TCF7: variants seen among roughly 807,000 people sequenced by gnomAD.
The protein encoded by TCF7 is T-cell-factor-7.
TCF7 carries 19 observed loss-of-function variants against 46.8 expected under a neutral mutation model. The ratio of observed to expected loss-of-function variants is 0.41; its 90% CI spans 0.28 to 0.60. The LOEUF is 0.60. Ranked by LOEUF, TCF7 falls within the 20% of genes least tolerant of loss-of-function variation. TCF7 has a pLI of 0.35. For missense variants in TCF7, 547 were observed against 504.6 expected (o/e 1.08, Z -0.81); for synonymous variants, 245 against 213.4 (o/e 1.15, Z -1.29).
At chr5:134,123,861 G>A in intron 3 of TCF7, 1 of 455,806 alleles carries the variant, frequency 2.2e-6, no homozygotes, top group South Asian at 1.5e-5. Context: ...GAGGCATGGG[G>A]ATCATGGGAG....
Position 134,114,703 on chromosome 5 carries a change from T to G in TCF7, c.-204T>G. The G allele has an allele frequency of 3.8e-6, 1 of 264,106 alleles. No individual in the cohort carries two copies. Among genetic ancestry groups the G allele is most frequent in the Non-Finnish European group, 5.7e-6 (1 of 175,636 alleles). 16.4% of individuals were successfully genotyped at this position (264,106 alleles called of 1,614,324 possible). A position where few individuals can be genotyped will look rare whatever the true frequency, so the allele number is the denominator to read the frequency against. On this transcript the variant is annotated 5_prime_UTR_variant, in exon 1 of 10. An upstream start codon of the reference 5' UTR is lost. Transcript: ENST00000342854. The stretch of plus-strand genomic sequence containing the variant: ...GGCACTCGGCCGGCGGCGCCTTTGA[T>G]GTTCCGACCCGCCAGCTCGCGGAGC...
chr5:134,127,156 A>C (rs1325611895), intron 3 of TCF7, among the ~76,000 whole-genome samples: 1 of 152,130 alleles, frequency 6.6e-6, no homozygotes, highest in Admixed American at 6.5e-5. Context: ...CAGGTTCATA[A>C]GCTGGACCCA....
At chr5:134,122,992 G>C (rs2149289961) in intron 3 of TCF7, among the ~76,000 whole-genome samples, 1 of 152,352 alleles carries the variant, frequency 6.6e-6, no homozygotes, top group East Asian at 1.9e-4. Flanking sequence ...GTGGCCCTGG[G>C]TGAGTTACTT....
intron 3 of TCF7, among the ~76,000 whole-genome samples, chr5:134,116,559 C>G (rs1755870306): frequency 6.6e-6 from 1 of 152,238 alleles, no homozygotes; most frequent in African/African-American, 2.4e-5. Context: ...AAGAAGGACC[C>G]TGAACACCAT....
chr5:134,111,363 G>T (rs563318293), upstream of TCF7, among the ~76,000 whole-genome samples: 111 of 152,176 alleles, frequency 7.3e-4, no homozygotes, highest in Non-Finnish European at 1.4e-3. Flanking sequence ...GATGAATCCA[G>T]AAGACTCTGG....
chr5:134,142,076 A>G (rs1759878830), intron 5 of TCF7, 109 bp from the exon 6 acceptor site: 3 of 1,483,894 alleles, frequency 2.0e-6, no homozygotes, highest in Admixed American at 1.8e-5. Context: ...TAGAGTATCT[A>G]TCTGTTCACC....
At chr5:134,135,682 G>A (rs573497114) in intron 3 of TCF7, among the ~76,000 whole-genome samples, 1 of 152,258 alleles carries the variant, frequency 6.6e-6, no homozygotes, top group African/African-American at 2.4e-5. Flanking sequence ...TTGAGTTTAG[G>A]GGGCATTTCA....
intron 8 of TCF7, 98 bp from the exon 9 acceptor site, chr5:134,143,494 C>G (rs764163480): frequency 2.8e-6 from 4 of 1,451,232 alleles, no homozygotes; most frequent in African/African-American, 1.4e-5. Context: ...GGGGCCTGTA[C>G]GCCCAGAATC....
At chr5:134,134,110 A>T (rs1372392031) in intron 3 of TCF7, among the ~76,000 whole-genome samples, 2 of 152,242 alleles carry the variant, frequency 1.3e-5, no homozygotes. Context: ...TCAGTAAACC[A>T]CCTACTCCCA....
chr5:134,143,923 C>G (rs575261383), intron 9 of TCF7: 1 of 417,004 alleles, frequency 2.4e-6, no homozygotes, highest in South Asian at 2.9e-5. Flanking sequence ...GCTAGCTCCA[C>G]TCACCAGAGA....
chr5:134,125,753 T>C (rs1757261498), intron 3 of TCF7, among the ~76,000 whole-genome samples: 1 of 152,234 alleles, frequency 6.6e-6, no homozygotes, highest in African/African-American at 2.4e-5. Context: ...TGTCCAATGC[T>C]GGACGAGAGT....
In TCF7 at chr5:134,115,028, C is replaced by G; in HGVS notation, c.122C>G (p.Ala41Gly). ...CAGGACGACAAGAGCCGCGACAGCG[C>G]CGCCGGTCCCGAGCGCGACCTGGCC... The part of the protein sequence containing the change: ...EEQDDKSRDS[A>G]AGPERDLAEL... The change falls in exon 1 of 10, where the codon GCC (alanine) becomes GGC (glycine). Residue 41 changes from alanine to glycine, a missense_variant. Physicochemically the swap from Ala to Gly is moderately conservative, Grantham distance 60. This residue lies in a region of TCF7 where 425 missense variants were observed against 349.9 expected (regional missense o/e 1.21). Coordinates refer to ENST00000342854, the MANE Select transcript of TCF7 (RefSeq NM_003202.5). The G allele has an allele frequency of 8.0e-7, 1 of 1,253,222 alleles. No individual in the cohort carries two copies. The allele number at this position is 1,253,222 out of a possible 1,614,324, so 77.6% of individuals were successfully genotyped here. A position where few individuals can be genotyped will look rare whatever the true frequency, so the allele number is the denominator to read the frequency against.
upstream of TCF7, among the ~76,000 whole-genome samples, chr5:134,113,429 T>A (rs1755392583): frequency 6.6e-6 from 1 of 152,214 alleles, no homozygotes. Context: ...ACGCTGGGCC[T>A]GGACCCGGAG....
Position 134,115,114 on chromosome 5 carries a change from G to T in TCF7, c.208G>T (p.Gly70Trp). ...EGAAGGAGIP[G>W]VPGAGAGARG... ...CGCGGCCGGCGGCGCAGGGATCCCG[G>T]GGGTCCCGGGGGCCGGCGCCGGGGC... The change falls in exon 1 of 10, where the codon GGG becomes TGG. Residue 70 changes from glycine (G) to tryptophan (W), a missense_variant. This residue lies in a region of TCF7 where 425 missense variants were observed against 349.9 expected (regional missense o/e 1.21). Transcript: ENST00000342854. The T allele has an allele frequency of 9.8e-7, 1 of 1,024,122 alleles. No individual in the cohort carries two copies. Among genetic ancestry groups the T allele is most frequent in the Non-Finnish European group, 1.2e-6 (1 of 856,350 alleles). The allele number at this position is 1,024,122 out of a possible 1,614,324, so 63.4% of individuals were successfully genotyped here. A position where few individuals can be genotyped will look rare whatever the true frequency, so the allele number is the denominator to read the frequency against.
In TCF7 at chr5:134,147,849, G is replaced by T. The variant is rs1029047886; in HGVS notation, c.*1546G>T. 1 of 151,658 alleles carries T rather than the reference G, an allele frequency of 6.6e-6. No homozygotes were observed. Among genetic ancestry groups the T allele is most frequent in the Non-Finnish European group, 1.5e-5 (1 of 67,946 alleles). 9.4% of individuals were successfully genotyped at this position (151,658 alleles called of 1,614,324 possible). A position where few individuals can be genotyped will look rare whatever the true frequency, so the allele number is the denominator to read the frequency against. On this transcript the variant is annotated 3_prime_UTR_variant, in exon 10 of 10. Coordinates refer to ENST00000342854, the MANE Select transcript of TCF7 (RefSeq NM_003202.5). ...AAATTAGCCGGACGTGGTGGTGCGC[G>T]CATGTAATCCCAGCTACTCGGGAGG...
In TCF7 at chr5:134,143,638, C is replaced by T; in HGVS notation, c.1073C>T (p.Thr358Ile). ...RSREKHQEST[T>I]GGKRNAFGTY... ...AGGGAAAAGCACCAAGAATCCACCA[C>T]AGGTGAGACCTTCTCTCAGCAGCAG... The change falls in exon 9 of 10, where the codon ACA becomes ATA. Residue 358 changes from threonine (T) to isoleucine (I), a missense_variant and splice_region_variant. Around this residue, in one of 3 missense-constraint regions of TCF7, gnomAD observed 90 missense variants for 88.8 expected, o/e 1.01. Coordinates refer to ENST00000342854, the MANE Select transcript of TCF7 (RefSeq NM_003202.5). The T allele has an allele frequency of 1.5e-5, 24 of 1,614,046 alleles. No homozygotes were observed. The highest frequency in any genetic ancestry group is 2.0e-5 in the Non-Finnish European group (24 of 1,180,014).
chr5:134,123,082 AAG>A (rs1268511617), intron 3 of TCF7, among the ~76,000 whole-genome samples: 2 of 152,216 alleles, frequency 1.3e-5, no homozygotes, highest in Admixed American at 6.5e-5. Context: ...GTGGAATGGA[AAG>A]AGACAGTGTG....
At chr5:134,145,632 T>C in intron 9 of TCF7, 1 of 1,174,330 alleles carries the variant, frequency 8.5e-7, no homozygotes, top group Non-Finnish European at 1.2e-6. Flanking sequence ...CCACACTCCC[T>C]GTCCAAGGGC....
In TCF7 at chr5:134,142,899, G is replaced by C; in HGVS notation, c.918+16G>C. 1 of 1,611,688 alleles carries C rather than the reference G, an allele frequency of 6.2e-7. No homozygotes were observed. Among genetic ancestry groups the C allele is most frequent in the Non-Finnish European group, 8.5e-7 (1 of 1,177,968 alleles). On this transcript the variant is annotated intron_variant, in intron 7 of 9. Coordinates refer to ENST00000342854, the MANE Select transcript of TCF7 (RefSeq NM_003202.5). ...GGGCCGCAGGGTGAGACCATGGGCA[G>C]GTGGGCTGGCAGGGATGCTCCCCGA...
Sources: gnomAD v4.1 joint callset for allele counts (sites outside exome capture counted in the v4.1 genomes callset) on GRCh38, gnomAD v4.1.1 for gene constraint, gnomAD v4.1.1 regional missense constraint, MANE v1.5 for transcripts, NCBI Gene and HGNC (gene_info 2026-07-23, HGNC 2026-07-21) for gene names.